The following CAMKMT variants were observed in gnomAD, a reference collection of about 807,000 sequenced individuals.
The protein encoded by CAMKMT is CaM KMT.
In CAMKMT, 53 loss-of-function variants were observed where a neutral mutation model predicts 48.0. The ratio of observed to expected loss-of-function variants is 1.10; its 90% confidence interval spans 0.89 to 1.39. The LOEUF is 1.39. CAMKMT is among the 40% of genes most tolerant of loss of function. The pLI is 0.00. For synonymous variants in CAMKMT, 165 were observed against 152.3 expected, an observed-to-expected ratio of 1.08 and a Z score of -0.61; for missense variants, 428 against 402.7, an observed-to-expected ratio of 1.06 and a Z score of -0.54.
chr2:44,450,859 T>A (rs1667251898), intron 3 of CAMKMT, among the ~76,000 whole-genome samples: 1 of 152,150 alleles, frequency 6.6e-6, no homozygotes, highest in African/African-American at 2.4e-5. Flanking sequence ...TTTAGAAATT[T>A]TCTCCCACTT....
chr2:44,478,227 ATAAT>A (rs1027256265), intron 3 of CAMKMT, among the ~76,000 whole-genome samples: 3 of 152,196 alleles, frequency 2.0e-5, no homozygotes, highest in African/African-American at 7.2e-5. Flanking sequence ...CATTTCAATA[ATAAT>A]TTTATTTGCT....
chr2:44,561,355 A>C (rs896649771), intron 3 of CAMKMT, among the ~76,000 whole-genome samples: 5 of 152,146 alleles, frequency 3.3e-5, no homozygotes, highest in African/African-American at 7.2e-5. Context: ...GACTACCATT[A>C]CTGTTTTCCT....
intron 3 of CAMKMT, among the ~76,000 whole-genome samples, chr2:44,696,189 C>T (rs549430682): frequency 2.0e-5 from 3 of 152,188 alleles, no homozygotes; most frequent in East Asian, 3.9e-4. Context: ...GTGATCTGCC[C>T]GCCTCAGCCT....
chr2:44,710,804 C>T (rs1677838689), intron 6 of CAMKMT, among the ~76,000 whole-genome samples: 1 of 152,254 alleles, frequency 6.6e-6, no homozygotes, highest in East Asian at 1.9e-4. Context: ...AGTAGAACTC[C>T]TGAAGGTGAG....
At chr2:44,455,254 TAGA>T (rs1012106972) in intron 3 of CAMKMT, among the ~76,000 whole-genome samples, 15 of 152,242 alleles carry the variant, frequency 9.9e-5, no homozygotes, top group African/African-American at 3.4e-4. Flanking sequence ...AGATTTTTTT[TAGA>T]AGGAGGCTTA....
chr2:44,382,102 T>G (rs755301254), intron 2 of CAMKMT, among the ~76,000 whole-genome samples: 1 of 151,894 alleles, frequency 6.6e-6, no homozygotes, highest in Non-Finnish European at 1.5e-5. Context: ...CCACTACACC[T>G]GGCTAATTTT....
intron 3 of CAMKMT, among the ~76,000 whole-genome samples, chr2:44,632,676 A>G (rs1672903369): frequency 6.6e-6 from 1 of 152,198 alleles, no homozygotes; most frequent in African/African-American, 2.4e-5. Flanking sequence ...GTGTTGCCAA[A>G]GGAGATTACC....
intron 3 of CAMKMT, among the ~76,000 whole-genome samples, chr2:44,476,050 G>A (rs1044069417): frequency 2.6e-5 from 4 of 152,098 alleles, no homozygotes; most frequent in African/African-American, 9.7e-5. Flanking sequence ...GAAAGAATGA[G>A]GTTATCTTGC....
At chr2:44,523,292 CTTT>C (rs869152391) in intron 3 of CAMKMT, among the ~76,000 whole-genome samples, 2 of 131,242 alleles carry the variant, frequency 1.5e-5, no homozygotes, top group Non-Finnish European at 3.3e-5. Context: ...AGGGGACCCA[CTTT>C]TTTTTTTTTT....
At chr2:44,697,002 A>T (rs909840759) in intron 3 of CAMKMT, among the ~76,000 whole-genome samples, 1 of 152,140 alleles carries the variant, frequency 6.6e-6, no homozygotes, top group African/African-American at 2.4e-5. Flanking sequence ...ACAATAAGAG[A>T]TGCAAAGCAA....
At chr2:44,750,820 C>T (rs1027558511) in intron 8 of CAMKMT, among the ~76,000 whole-genome samples, 4 of 152,176 alleles carry the variant, frequency 2.6e-5, no homozygotes, top group Admixed American at 6.5e-5. Flanking sequence ...TTGAGACCAA[C>T]CTGGCCAACA....
chr2:44,375,839 G>A (rs1377450436), intron 2 of CAMKMT, among the ~76,000 whole-genome samples: 1 of 151,912 alleles, frequency 6.6e-6, no homozygotes, highest in Non-Finnish European at 1.5e-5. Context: ...AGGCTGGAGT[G>A]CAGTAGCCCA....
chr2:44,647,907 CAAAAAA>C (rs756753917), intron 3 of CAMKMT, among the ~76,000 whole-genome samples: 12 of 29,518 alleles, frequency 4.1e-4, no homozygotes, highest in East Asian at 3.4e-3. Flanking sequence ...GACTCCGTCT[CAAAAAA>C]AAAAAAAAAA....
chr2:44,464,730 A>T (rs751287948), intron 3 of CAMKMT, among the ~76,000 whole-genome samples: 1 of 152,336 alleles, frequency 6.6e-6, no homozygotes, highest in East Asian at 1.9e-4. Context: ...TGGCAAAATT[A>T]TCATTTAAAG....
chr2:44,767,481 T>C (rs1249835036), intron 10 of CAMKMT, among the ~76,000 whole-genome samples: 1 of 152,182 alleles, frequency 6.6e-6, no homozygotes, highest in African/African-American at 2.4e-5. Flanking sequence ...GAAAAATATA[T>C]GAAAAATTAA....
intron 3 of CAMKMT, among the ~76,000 whole-genome samples, chr2:44,537,978 A>G (rs1666873896): frequency 6.6e-6 from 1 of 152,228 alleles, no homozygotes; most frequent in Non-Finnish European, 1.5e-5. Flanking sequence ...AAAAGAAATC[A>G]TATGAAAAAG....
chr2:44,727,727 T>G (rs1573179389), intron 7 of CAMKMT, among the ~76,000 whole-genome samples: 1 of 152,196 alleles, frequency 6.6e-6, no homozygotes, highest in African/African-American at 2.4e-5. Flanking sequence ...CCATTCAGGA[T>G]GATGTTGGCT....
chr2:44,519,663 A>T lies in CAMKMT; in HGVS notation c.376+129358A>T, dbSNP rs545263488. On this transcript the variant is annotated intron_variant, in intron 3 of 10. Coordinates refer to ENST00000378494, the MANE Select transcript of CAMKMT (RefSeq NM_024766.5). ...TATGTTTAAAAACGAAACAAAACAA[A>T]AAAGTGTGACTTAGGACACAGGAGA... Among the ~76,000 whole-genome samples the T allele has an allele frequency of 2.0e-5, 3 of 152,360 alleles. No individual in the cohort carries two copies. The South Asian group carries it at 6.2e-4, about 32-fold the overall frequency.
chr2:44,744,826 A>G (rs765139974), intron 8 of CAMKMT, among the ~76,000 whole-genome samples: 3 of 151,968 alleles, frequency 2.0e-5, no homozygotes, highest in Non-Finnish European at 4.4e-5. Flanking sequence ...AAAAATAAAT[A>G]TTTTGTCTAT....
Sources: allele counts gnomAD v4.1 joint callset (sites outside exome capture counted in the v4.1 genomes callset), GRCh38; gene constraint gnomAD v4.1.1; transcripts MANE v1.5; gene names NCBI Gene and HGNC (gene_info 2026-07-23, HGNC 2026-07-21).